Variants in SLC6A15 observed in about 807,000 individuals in gnomAD.
The protein encoded by SLC6A15 is sodium-dependent neutral amino acid transporter B(0)AT2.
SLC6A15 carries 33 observed loss-of-function variants against 68.5 expected under a neutral mutation model. The observed-to-expected ratio is 0.48, with a 90% CI of 0.37 to 0.64. The LOEUF is 0.64. SLC6A15 is among the 30% of genes least tolerant of loss of function. The pLI, the probability that SLC6A15 is intolerant of heterozygous loss-of-function variation, is 0.00. For missense variants in SLC6A15, 747 were observed against 874.3 expected (o/e 0.85, Z 1.84); for synonymous variants, 347 against 301.0 (o/e 1.15, Z -1.58).
chr12:84,910,953 G>GTGTGTGTGTGTGTGTGTGTCTT (rs1565736544), intron 1 of SLC6A15, among the ~76,000 whole-genome samples: 16 of 145,100 alleles, frequency 1.1e-4, no homozygotes, highest in African/African-American at 3.9e-4. Flanking sequence ...GTGTGTGTGT[G>GTGTGTGTGTGTGTGTGTGTCTT]TCTTTAACCC....
chr12:84,902,567 C>T (rs1872934536), intron 1 of SLC6A15, among the ~76,000 whole-genome samples: 2 of 151,746 alleles, frequency 1.3e-5, no homozygotes, highest in South Asian at 4.2e-4. Context: ...AGCAGCTTTA[C>T]TTATAATAGA....
At chr12:84,871,911 G>T (rs1193614873) in intron 8 of SLC6A15, among the ~76,000 whole-genome samples, 2 of 152,150 alleles carry the variant, frequency 1.3e-5, no homozygotes, top group Non-Finnish European at 2.9e-5. Context: ...ACAGCACTTT[G>T]GGAGGCCAAG....
intron 2 of SLC6A15, among the ~76,000 whole-genome samples, chr12:84,891,221 G>C (rs567891150): frequency 6.6e-6 from 1 of 152,198 alleles, no homozygotes; most frequent in African/African-American, 2.4e-5. Context: ...AGTTGTCTTT[G>C]AAATGGAACA....
chr12:84,862,661 A>G (rs570139910), intron 11 of SLC6A15, among the ~76,000 whole-genome samples: 2 of 152,334 alleles, frequency 1.3e-5, no homozygotes, highest in Admixed American at 6.5e-5. Context: ...AAATTGAAAT[A>G]GTTATTGCTA....
In SLC6A15 at chr12:84,908,069, G is replaced by A. The variant is rs1404315333; in HGVS notation, c.-189+4454C>T. 2.6e-5 allele frequency among the ~76,000 whole-genome samples: 4 copies of A among 152,202 alleles called. No individual in the cohort carries two copies. The South Asian group carries it at 8.3e-4, about 32-fold the overall frequency. On this transcript the variant is annotated intron_variant, in intron 1 of 11. Transcript: ENST00000266682. The stretch of plus-strand genomic sequence containing the variant: ...AGTGAAGTGGTTGTGGTTATAAAAG[G>A]CCAACACAGTTAATCCTTATGTAAT...
intron 9 of SLC6A15, among the ~76,000 whole-genome samples, chr12:84,868,663 C>A (rs548598862): frequency 5.7e-4 from 87 of 152,286 alleles, no homozygotes; most frequent in Admixed American, 1.1e-3. Flanking sequence ...GGTAATATTT[C>A]ATTGAGGTCA....
At chr12:84,863,631 C>T (rs1870945217) in intron 10 of SLC6A15, 30 bp from the exon 11 acceptor site, 2 of 1,445,198 alleles carry the variant, frequency 1.4e-6, no homozygotes, top group South Asian at 3.1e-5. Context: ...TTAATTATTC[C>T]TTAATTTAAT....
intron 2 of SLC6A15, among the ~76,000 whole-genome samples, chr12:84,890,636 A>G (rs1426291024): frequency 4.6e-5 from 7 of 152,204 alleles, no homozygotes; most frequent in Non-Finnish European, 8.8e-5. Flanking sequence ...ACTTTTTCCA[A>G]ACCTTTTGTT....
At position 84,897,966 on chromosome 12, in the gene SLC6A15, C is replaced by T. The variant is rs543205914; in HGVS notation, c.-188-5658G>A. Among the ~76,000 whole-genome samples the T allele has an allele frequency of 2.0e-5, 3 of 152,038 alleles. No homozygotes were observed. In the East Asian group the frequency reaches 5.8e-4, roughly 29 times the overall value. On this transcript the variant is annotated intron_variant, in intron 1 of 11. Transcript: ENST00000266682. ...TGTGAATTAAATTACCAAAAAAAATCAAAAATTGAAATGAGAGGAGAAAAA... is the reference window on the plus strand; with the variant it reads ...TGTGAATTAAATTACCAAAAAAAATTAAAAATTGAAATGAGAGGAGAAAAA...
chr12:84,895,908 A>G (rs2120694732), intron 1 of SLC6A15, among the ~76,000 whole-genome samples: 1 of 152,330 alleles, frequency 6.6e-6, no homozygotes, highest in South Asian at 2.1e-4. Context: ...AACATAGACA[A>G]AAAAGAAAAT....
At chr12:84,869,426 C>T (rs900854278) in intron 9 of SLC6A15, among the ~76,000 whole-genome samples, 28 of 142,450 alleles carry the variant, frequency 2.0e-4, no homozygotes, top group African/African-American at 6.9e-4. Flanking sequence ...CGCACTACTG[C>T]TGCACTCCAG....
intron 11 of SLC6A15, 140 bp from the exon 12 acceptor site, chr12:84,862,146 G>T: frequency 1.3e-6 from 1 of 793,542 alleles, no homozygotes; most frequent in Non-Finnish European, 1.9e-6. Flanking sequence ...AGCAGTAGAA[G>T]TGACACTCAG....
intron 2 of SLC6A15, among the ~76,000 whole-genome samples, chr12:84,886,786 A>G (rs994112021): frequency 2.0e-5 from 3 of 152,210 alleles, no homozygotes; most frequent in African/African-American, 7.2e-5. Flanking sequence ...TAAAATTTCC[A>G]TATTTTAAAA....
At chr12:84,872,550 C>A (rs1055634889) in intron 8 of SLC6A15, 52 bp downstream of exon 8, 1 of 1,475,418 alleles carries the variant, frequency 6.8e-7, no homozygotes, top group Admixed American at 1.9e-5. Context: ...CTGGATAATG[C>A]ATATTTCAAG....
intron 5 of SLC6A15, among the ~76,000 whole-genome samples, chr12:84,879,273 G>A (rs971854820): frequency 2.0e-5 from 3 of 151,946 alleles, no homozygotes; most frequent in Middle Eastern, 6.8e-3. Context: ...CATCCCCCGT[G>A]AAGCCTTCTT....
chr12:84,860,810 C>G lies in SLC6A15; in HGVS notation c.*822G>C, dbSNP rs79466167. On this transcript the variant is annotated 3_prime_UTR_variant, in exon 12 of 12. Transcript: ENST00000266682. ...AGTTTTCAAATTAGTACTTTAAGTA[C>G]TTAAATGCATTGCAAGTATATTGTA... 5 of 152,170 alleles carry G rather than the reference C, an allele frequency of 3.3e-5. No individual in the cohort carries two copies. The East Asian group carries it at 9.7e-4, about 29-fold the overall frequency. The allele number at this position is 152,170 out of a possible 1,614,324, so 9.4% of individuals were successfully genotyped here.
chr12:84,898,441 T>G (rs1204498418), intron 1 of SLC6A15, among the ~76,000 whole-genome samples: 2 of 152,202 alleles, frequency 1.3e-5, no homozygotes, highest in East Asian at 3.8e-4. Context: ...GATTGTAATG[T>G]GACATTATAA....
intron 4 of SLC6A15, among the ~76,000 whole-genome samples, chr12:84,884,344 C>T (rs1182772039): frequency 6.6e-6 from 1 of 151,864 alleles, no homozygotes; most frequent in Admixed American, 6.6e-5. Context: ...TTTGCTCTGT[C>T]GCCCAGGCTG....
At chr12:84,876,927 T>C (rs777053922) in intron 5 of SLC6A15, among the ~76,000 whole-genome samples, 7 of 152,212 alleles carry the variant, frequency 4.6e-5, no homozygotes, top group Non-Finnish European at 1.0e-4. Context: ...GAACAGGCAC[T>C]AACTACCTAA....
Sources: gnomAD v4.1 joint callset for allele counts (sites outside exome capture counted in the v4.1 genomes callset) on GRCh38, gnomAD v4.1.1 for gene constraint, MANE v1.5 for transcripts, NCBI Gene and HGNC (gene_info 2026-07-23, HGNC 2026-07-21) for gene names.